Variants in VPS13B observed in about 807,000 individuals in gnomAD.
The protein encoded by VPS13B is intermembrane lipid transfer protein VPS13B.
In VPS13B, 285 loss-of-function variants were observed where a neutral mutation model predicts 426.4. That is an observed-to-expected ratio of 0.67 (90% CI 0.61 to 0.74). The LOEUF is 0.74. Ranked by LOEUF, VPS13B falls within the 30% of genes least tolerant of loss-of-function variation. The pLI is 0.00. For synonymous variants in VPS13B, 1,676 were observed against 1,676.4 expected, an observed-to-expected ratio of 1.00 and a Z score of 0.01; for missense variants, 4,537 against 4,782.6, an observed-to-expected ratio of 0.95 and a Z score of 1.51.
intron 21 of VPS13B, among the ~76,000 whole-genome samples, chr8:99,418,575 T>C (rs1236874871): frequency 6.6e-6 from 1 of 150,570 alleles, no homozygotes; most frequent in Non-Finnish European, 1.5e-5. Flanking sequence ...TTGACATGGA[T>C]TTTTGCTCTG....
At chr8:99,487,434 T>A (rs903744003) in intron 25 of VPS13B, among the ~76,000 whole-genome samples, 6 of 152,188 alleles carry the variant, frequency 3.9e-5, no homozygotes, top group South Asian at 2.1e-4. Context: ...GTGATTTTTT[T>A]AAATTGTGGT....
At chr8:99,331,505 G>A (rs549333962) in intron 19 of VPS13B, among the ~76,000 whole-genome samples, 1 of 151,856 alleles carries the variant, frequency 6.6e-6, no homozygotes, top group Admixed American at 6.6e-5. Context: ...ACCACTAGTA[G>A]TTGAACTGGA....
chr8:99,803,658 C>T (rs769783409), intron 43 of VPS13B, among the ~76,000 whole-genome samples: 1 of 152,122 alleles, frequency 6.6e-6, no homozygotes, highest in Non-Finnish European at 1.5e-5. Context: ...AATTTTTCTA[C>T]TTAGTTTTTG....
rs528273815 is a variant in VPS13B, at chr8:99,435,872, A to G, written c.3210+4208A>G. On this transcript the variant is annotated intron_variant, in intron 22 of 61. Coordinates refer to ENST00000357162, the MANE Select transcript of VPS13B (RefSeq NM_152564.5). ...CACATGTATTTGAAATGTATGTGAGACATCCAGGTATGTATTAGATATTTA... is the reference window on the plus strand; with the variant it reads ...CACATGTATTTGAAATGTATGTGAGGCATCCAGGTATGTATTAGATATTTA... 1.9e-4 allele frequency among the ~76,000 whole-genome samples: 29 copies of G among 152,320 alleles called. 1 individual carries two copies. The South Asian group carries it at 5.8e-3, about 30-fold the overall frequency.
intron 33 of VPS13B, among the ~76,000 whole-genome samples, chr8:99,598,001 A>G (rs1827101497): frequency 6.6e-6 from 1 of 152,094 alleles, no homozygotes; most frequent in South Asian, 2.1e-4. Flanking sequence ...TAAGATGTAT[A>G]CAACATATAC....
At chr8:99,328,136 T>C (rs986750741) in intron 19 of VPS13B, among the ~76,000 whole-genome samples, 1 of 152,084 alleles carries the variant, frequency 6.6e-6, no homozygotes, top group African/African-American at 2.4e-5. Flanking sequence ...CTCCTAGGAG[T>C]GCAAACCCCA....
At chr8:99,616,453 G>A (rs1828092052) in intron 33 of VPS13B, among the ~76,000 whole-genome samples, 2 of 152,170 alleles carry the variant, frequency 1.3e-5, no homozygotes, top group African/African-American at 4.8e-5. Context: ...TAACACTTAG[G>A]GTGAACTTTG....
intron 16 of VPS13B, among the ~76,000 whole-genome samples, chr8:99,177,314 T>G (rs192536326): frequency 8.5e-5 from 13 of 152,222 alleles, no homozygotes; most frequent in African/African-American, 3.1e-4. Flanking sequence ...TTGTATATGT[T>G]AATGGTCTTG....
At chr8:99,130,498 C>T (rs532530509) in intron 8 of VPS13B, among the ~76,000 whole-genome samples, 6 of 151,944 alleles carry the variant, frequency 3.9e-5, no homozygotes, top group Admixed American at 1.3e-4. Context: ...CGCCATTCTC[C>T]TGCCTCAGCC....
chr8:99,218,604 A>G (rs1371599727), intron 17 of VPS13B, among the ~76,000 whole-genome samples: 3 of 152,188 alleles, frequency 2.0e-5, no homozygotes, highest in Non-Finnish European at 4.4e-5. Flanking sequence ...TGTGCTCTTT[A>G]TGATAAAAGG....
At chr8:99,113,509 C>T (rs1225809611) in intron 6 of VPS13B, among the ~76,000 whole-genome samples, 1 of 152,198 alleles carries the variant, frequency 6.6e-6, no homozygotes, top group Admixed American at 6.5e-5. Context: ...CAGATATGGT[C>T]GACCTCATTA....
At chr8:99,838,080 C>A (rs1448542812) in intron 54 of VPS13B, among the ~76,000 whole-genome samples, 1 of 152,106 alleles carries the variant, frequency 6.6e-6, no homozygotes, top group Non-Finnish European at 1.5e-5. Context: ...ATTCTTTGGA[C>A]CAACAGTTAT....
intron 12 of VPS13B, among the ~76,000 whole-genome samples, chr8:99,139,300 A>G (rs1810261477): frequency 6.6e-6 from 1 of 152,098 alleles, no homozygotes; most frequent in Non-Finnish European, 1.5e-5. Flanking sequence ...GTTTATCCCC[A>G]TTTTACAGAT....
rs750754345 is a variant in VPS13B at position 99,156,617 on chromosome 8, G to T, written c.2082G>T (p.Leu694Phe). 1 of 1,614,062 alleles carries T rather than the reference G, an allele frequency of 6.2e-7. No homozygotes were observed. The highest frequency in any genetic ancestry group is 1.1e-5 in the South Asian group (1 of 91,082). ...GGCCTTTGCCATCCATTCGAATATT[G>T]GTGGATAAAATTAATCTGGAACATT... Reference protein sequence around the residue: ...SLRPLPSIRILVDKINLEHSV... With the variant: ...SLRPLPSIRIFVDKINLEHSV... Residue 694 changes from leucine (L) to phenylalanine (F), a missense_variant, in exon 15 of 62, where the codon TTG becomes TTT. Transcript: ENST00000357162.
chr8:99,454,487 G>A (rs1256009091), intron 23 of VPS13B, among the ~76,000 whole-genome samples: 1 of 152,112 alleles, frequency 6.6e-6, no homozygotes, highest in Admixed American at 6.6e-5. Flanking sequence ...CATTTCTGTT[G>A]TGCTAATATT....
chr8:99,732,839 GGTGGGGAAGGAATTTGTCAGTAAGAC>G (rs1563887544), intron 39 of VPS13B, among the ~76,000 whole-genome samples: 1 of 152,222 alleles, frequency 6.6e-6, no homozygotes, highest in Non-Finnish European at 1.5e-5. Context: ...AAAAGTAAGA[GGTGGGGAAGGAATTTGTCAGTAAGAC>G]GTGCTTTTAA....
chr8:99,127,414 G>A (rs1391588173), intron 8 of VPS13B, among the ~76,000 whole-genome samples: 1 of 152,068 alleles, frequency 6.6e-6, no homozygotes, highest in Non-Finnish European at 1.5e-5. Flanking sequence ...CAGAACTCTT[G>A]ATTTTTCTTT....
intron 15 of VPS13B, among the ~76,000 whole-genome samples, chr8:99,159,346 A>G (rs1292076959): frequency 6.6e-6 from 1 of 152,232 alleles, no homozygotes; most frequent in Non-Finnish European, 1.5e-5. Context: ...AAAAAGTTCT[A>G]TAAACTTGGT....
intron 42 of VPS13B, 75 bp downstream of exon 42, chr8:99,779,106 G>A: frequency 7.4e-7 from 1 of 1,347,074 alleles, no homozygotes. Flanking sequence ...TATCACTTCT[G>A]ATAATAAGTT....
Sources: gnomAD v4.1 joint callset for allele counts (sites outside exome capture counted in the v4.1 genomes callset) on GRCh38, gnomAD v4.1.1 for gene constraint, MANE v1.5 for transcripts, NCBI Gene and HGNC (gene_info 2026-07-23, HGNC 2026-07-21) for gene names.